The following METTL23 variants were observed in gnomAD, a reference collection of about 807,000 sequenced individuals.
METTL23 encodes the protein methyltransferase 23, arginine, also known as histone-arginine methyltransferase METTL23.
A neutral mutation model predicts 21.2 loss-of-function variants in METTL23; 24 were observed. The observed-to-expected ratio is 1.13, with a 90% confidence interval of 0.82 to 1.59. METTL23 has a LOEUF of 1.59. METTL23 is among the 40% of genes most tolerant of loss of function. The probability of loss-of-function intolerance (pLI) is 0.00; values close to 1 mark genes in which losing one functional copy is unlikely to be tolerated. For missense variants in METTL23, 276 were observed against 221.4 expected (o/e 1.25, Z -1.57); for synonymous variants, 97 against 75.2 (o/e 1.29, Z -1.50).
chr17:76,730,000 G>A (rs1294690769), intron 2 of METTL23, among the ~76,000 whole-genome samples: 1 of 152,136 alleles, frequency 6.6e-6, no homozygotes, highest in Non-Finnish European at 1.5e-5. Flanking sequence ...CATTTAAAAA[G>A]TGGTTTTTCG....
chr17:76,729,818 A>T, intron 2 of METTL23, 24 bp downstream of exon 2: 1 of 1,541,068 alleles, frequency 6.5e-7, no homozygotes, highest in African/African-American at 1.4e-5. Flanking sequence ...TGAAGTTTCC[A>T]GAGTTCTAGG....
upstream of METTL23, among the ~76,000 whole-genome samples, chr17:76,726,181 C>T (rs1346883293): frequency 6.6e-6 from 1 of 152,252 alleles, no homozygotes; most frequent in Non-Finnish European, 1.5e-5. Flanking sequence ...GGAAGCAGAC[C>T]CGCCCCGGAA....
chr17:76,728,165 G>C (rs946549697), intron 1 of METTL23, among the ~76,000 whole-genome samples: 6 of 151,788 alleles, frequency 4.0e-5, no homozygotes, highest in African/African-American at 1.5e-4. Flanking sequence ...GAGCCCGAGA[G>C]GTCGAGGCTG....
intron 2 of METTL23, 127 bp downstream of exon 2, chr17:76,729,921 A>C: frequency 1.5e-6 from 1 of 681,254 alleles, no homozygotes; most frequent in Non-Finnish European, 2.6e-6. Context: ...CTAGTTTGTA[A>C]GGTCTGTGAG....
At chr17:76,726,628 C>G (rs2076945747), upstream of METTL23, 3 of 1,047,914 alleles carry the variant, frequency 2.9e-6, no homozygotes, top group East Asian at 8.5e-5. Flanking sequence ...CCAGAAAATT[C>G]ACTCCCCAGC....
chr17:76,730,870 G>A (rs1158445209), intron 2 of METTL23, among the ~76,000 whole-genome samples: 3 of 152,188 alleles, frequency 2.0e-5, no homozygotes, highest in South Asian at 2.1e-4. Flanking sequence ...TTGGGAGGCT[G>A]AGGCGGGCGG....
Position 76,727,030 on chromosome 17 carries a change from C to A in METTL23, c.-170C>A, listed in dbSNP as rs1245897538. The stretch of plus-strand genomic sequence containing the variant: ...CGCAGTCTGGCAGCCCGGAGCCTTC[C>A]GCGGTCCCCCGCCCGCCCGGGGCCC... On this transcript the variant is annotated 5_prime_UTR_variant, in exon 1 of 5. Transcript: ENST00000341249. The A allele has an allele frequency of 2.2e-6, 1 of 455,236 alleles. No homozygotes were observed. The highest frequency in any genetic ancestry group is 4.4e-6 in the Non-Finnish European group (1 of 226,236). 28.2% of individuals were successfully genotyped at this position (455,236 alleles called of 1,614,324 possible).
chr17:76,727,373 A>C, intron 1 of METTL23, 195 bp downstream of exon 1: 3 of 298,690 alleles, frequency 1.0e-5, no homozygotes, highest in South Asian at 5.6e-5. Context: ...AATTTTGGAG[A>C]CCCTGCCAAG....
intron 2 of METTL23, among the ~76,000 whole-genome samples, chr17:76,730,682 C>G (rs1177804402): frequency 1.3e-5 from 2 of 152,186 alleles, no homozygotes; most frequent in Non-Finnish European, 2.9e-5. Flanking sequence ...AAATTTATGT[C>G]TCTTGCCGGG....
Position 76,733,603 on chromosome 17 carries a change from AAAG to A in METTL23, c.495_497del (p.Glu165del), listed in dbSNP as rs376795776. On this transcript the variant is annotated inframe_deletion, in exon 5 of 5. Coordinates refer to ENST00000341249, the MANE Select transcript of METTL23 (RefSeq NM_001080510.5). ...TCCTCTTGAGTCTTTTGATGCAGAC[AAAG>A]AAGATATAGCAGAATCTACCCTTCC... 1.9e-5 allele frequency: 30 copies of A among 1,613,924 alleles called. No homozygotes were observed. Among genetic ancestry groups the A allele is most frequent in the African/African-American group, 6.7e-5 (5 of 75,040 alleles).
chr17:76,732,812 G>A, intron 2 of METTL23, 166 bp from the exon 3 acceptor site: 1 of 630,938 alleles, frequency 1.6e-6, no homozygotes. Context: ...ATGTACTTTT[G>A]TCATGTTTAT....
chr17:76,726,482 G>A (rs200707910), upstream of METTL23: 3,439 of 1,589,820 alleles, frequency 2.2e-3, 7 homozygotes, highest in Middle Eastern at 3.0e-3. Flanking sequence ...TCATTCTGCG[G>A]GGTCGCCAGC....
chr17:76,729,724 C>G lies in METTL23; in HGVS notation c.14C>G (p.Pro5Arg). The G allele has an allele frequency of 6.3e-7, 1 of 1,597,732 alleles. No homozygotes were observed. The highest frequency in any genetic ancestry group is 8.5e-7 in the Non-Finnish European group (1 of 1,170,822). Residue 5 changes from proline (P) to arginine (R), a missense_variant, in exon 2 of 5, where the codon CCC (proline) becomes CGC (arginine). By Grantham distance (103) the Pro-to-Arg change is moderately radical (BLOSUM62 -2). Transcript: ENST00000341249. MYVW[P>R]CAVVLAQYLW... ...CTCCAGTATGGAATGTATGTTTGGC[C>G]CTGTGCTGTGGTCCTGGCCCAGTAC... is the stretch of plus-strand genomic sequence containing the variant.
chr17:76,726,251 G>A, upstream of METTL23: 1 of 1,426,980 alleles, frequency 7.0e-7, no homozygotes, highest in Non-Finnish European at 9.2e-7. Flanking sequence ...GAGGTCCCGG[G>A]CGCTCGGGGC....
chr17:76,732,870 C>CTCTA, intron 2 of METTL23, 108 bp from the exon 3 acceptor site: 2 of 886,020 alleles, frequency 2.3e-6, no homozygotes, highest in Non-Finnish European at 3.5e-6. Context: ...GAAAGACTGA[C>CTCTA]TCTATGCTTA....
At chr17:76,726,356 C>G, upstream of METTL23, 3 of 1,587,446 alleles carry the variant, frequency 1.9e-6, no homozygotes, top group Admixed American at 5.2e-5. Context: ...CCGCCACGGC[C>G]GCCGGGCTCA....
intron 1 of METTL23, 145 bp from the exon 2 acceptor site, chr17:76,729,545 A>C (rs534819283): frequency 8.2e-6 from 5 of 607,140 alleles, no homozygotes; most frequent in Non-Finnish European, 1.5e-5. Context: ...ATTGCATTGC[A>C]GTTTTATATC....
chr17:76,733,701 C>T lies in METTL23; in HGVS notation c.*15C>T. 6.2e-7 allele frequency: 1 copy of T among 1,608,392 alleles called. No individual in the cohort carries two copies. Among genetic ancestry groups the T allele is most frequent in the African/African-American group, 1.3e-5 (1 of 74,884 alleles). ...ACAGTCTCTGAATTATACCTACAACCTGTTCTGGGACAGTATCAATACTGA... is the reference window on the plus strand; with the variant it reads ...ACAGTCTCTGAATTATACCTACAACTTGTTCTGGGACAGTATCAATACTGA... On this transcript the variant is annotated 3_prime_UTR_variant, in exon 5 of 5. Coordinates refer to ENST00000341249, the MANE Select transcript of METTL23 (RefSeq NM_001080510.5).
intron 1 of METTL23, 127 bp downstream of exon 1, chr17:76,727,305 C>G (rs2076984953): frequency 2.9e-6 from 1 of 339,264 alleles, no homozygotes; most frequent in African/African-American, 2.2e-5. Flanking sequence ...TAGGTTGACC[C>G]CCGGAGCAAA....
Sources: allele counts gnomAD v4.1 joint callset (sites outside exome capture counted in the v4.1 genomes callset), GRCh38; gene constraint gnomAD v4.1.1; transcripts MANE v1.5; gene names NCBI Gene and HGNC (gene_info 2026-07-23, HGNC 2026-07-21).